UBE4B: variants seen among roughly 807,000 people sequenced by gnomAD.
UBE4B encodes the protein ubiquitin conjugation factor E4 B.
Under a neutral mutation model 148.1 loss-of-function variants are expected in UBE4B, and 27 were observed. The ratio of observed to expected loss-of-function variants is 0.18; its 90% CI spans 0.13 to 0.25. The LOEUF (loss-of-function observed/expected upper bound fraction) is 0.25. UBE4B is among the 10% of genes least tolerant of loss of function. The pLI is 1.00. For synonymous variants in UBE4B, 596 were observed against 619.3 expected, an observed-to-expected ratio of 0.96 and a Z score of 0.56; for missense variants, 1,170 against 1,662.4, an observed-to-expected ratio of 0.70 and a Z score of 5.15.
rs1646280033 is a variant in UBE4B, at chr1:10,168,001, G to A, written c.3199-135G>A. On this transcript the variant is annotated intron_variant, in intron 23 of 27. Transcript: ENST00000343090. The surrounding 1 kb of genome is among the most constrained non-coding windows in gnomAD (Gnocchi z 4.9). ...GAAAGGATGAAACTTCAGTTATCTG[G>A]GACATGTGGCAGGCGGTTCTGTCAT... The A allele has an allele frequency of 9.3e-7, 1 of 1,076,588 alleles. No individual in the cohort carries two copies. Among genetic ancestry groups the A allele is most frequent in the Non-Finnish European group, 1.3e-6 (1 of 794,202 alleles). 66.7% of individuals were successfully genotyped at this position (1,076,588 alleles called of 1,614,324 possible).
At chr1:10,087,813 C>G (rs1027270303) in intron 2 of UBE4B, among the ~76,000 whole-genome samples, 1 of 152,178 alleles carries the variant, frequency 6.6e-6, no homozygotes, top group Admixed American at 6.5e-5. Flanking sequence ...AAGTCCATCC[C>G]ACACTTAAGG....
At chr1:10,079,306 G>C (rs1256584900) in intron 2 of UBE4B, among the ~76,000 whole-genome samples, 1 of 152,058 alleles carries the variant, frequency 6.6e-6, no homozygotes, top group Non-Finnish European at 1.5e-5. Flanking sequence ...TTACAGGCAT[G>C]CGCCACCACG....
At chr1:10,054,723 GC>G (rs780557063) in intron 1 of UBE4B, 6 of 244,868 alleles carry the variant, frequency 2.5e-5, no homozygotes, top group Admixed American at 8.2e-5. Context: ...GGTAACACTT[GC>G]GGGGCATTTT....
intron 2 of UBE4B, among the ~76,000 whole-genome samples, chr1:10,081,260 A>G (rs978703452): frequency 6.8e-6 from 1 of 147,856 alleles, no homozygotes; most frequent in Non-Finnish European, 1.5e-5. Context: ...GGCTTTCTCT[A>G]TGTTGGTCAG....
chr1:10,051,653 AG>A (rs1644047094), intron 1 of UBE4B, among the ~76,000 whole-genome samples: 1 of 152,142 alleles, frequency 6.6e-6, no homozygotes, highest in Non-Finnish European at 1.5e-5. Flanking sequence ...ATGTACTAAG[AG>A]GGTGAAGGTG....
Position 10,168,269 on chromosome 1 carries a change from C to T in UBE4B, c.3332C>T (p.Pro1111Leu), listed in dbSNP as rs973250236. ...CAGGTCCAGAAGCCCTTCCTCAGACCGGTGAGTAGAAACCCGGGGCTCTGT... is the reference window on the plus strand; with the variant it reads ...CAGGTCCAGAAGCCCTTCCTCAGACTGGTGAGTAGAAACCCGGGGCTCTGT... ...TKQVQKPFLR[P>L]ELGPRLAAML... Residue 1111 changes from proline (P) to leucine (L), a missense_variant and splice_region_variant, in exon 24 of 28, where the codon CCG (proline) becomes CTG (leucine). Pro to Leu is a moderately conservative substitution (Grantham distance 98, BLOSUM62 -3). This residue lies in a region of UBE4B where 348 missense variants were observed against 627.2 expected (regional missense o/e 0.55). Coordinates refer to ENST00000343090, the MANE Select transcript of UBE4B (RefSeq NM_001105562.3). The surrounding 1 kb of genome is among the most constrained non-coding windows in gnomAD (Gnocchi z 4.9). 37 of 1,613,880 alleles carry T rather than the reference C, an allele frequency of 2.3e-5. No homozygotes were observed. The highest frequency in any genetic ancestry group is 2.9e-5 in the Non-Finnish European group (34 of 1,179,974).
At chr1:10,039,603 T>C (rs184840810) in intron 1 of UBE4B, among the ~76,000 whole-genome samples, 434 of 151,720 alleles carry the variant, frequency 2.9e-3, no homozygotes, top group Non-Finnish European at 4.9e-3. Flanking sequence ...CTGATTTTTT[T>C]TTTTTTTTGT....
chr1:10,164,894 G>A (rs1372640158), intron 23 of UBE4B, among the ~76,000 whole-genome samples: 2 of 152,140 alleles, frequency 1.3e-5, no homozygotes, highest in Non-Finnish European at 2.9e-5. Context: ...AACTCATGAT[G>A]AGAAACCATC....
rs776571840 is a variant in UBE4B at position 10,179,435 on chromosome 1, C to T, written c.3720C>T (p.Leu1240=). ...CCGCAGACCCTCTGATGGACACCCT[C>T]ATGACAGACCCCGTGCGGCTGCCCT... ...DEFRDPLMDT[L]MTDPVRLPSG... Residue 1240 remains leucine, a synonymous_variant, in exon 27 of 28, where the codon CTC becomes CTT. Transcript: ENST00000343090. 1.2e-6 allele frequency: 2 copies of T among 1,613,916 alleles called. No homozygotes were observed. Among genetic ancestry groups the T allele is most frequent in the Non-Finnish European group, 1.7e-6 (2 of 1,180,048 alleles).
intron 2 of UBE4B, among the ~76,000 whole-genome samples, chr1:10,075,234 A>G (rs190274931): frequency 6.6e-6 from 1 of 152,358 alleles, no homozygotes; most frequent in East Asian, 1.9e-4. Flanking sequence ...CTTCACTTAC[A>G]AAAACAGGCA....
At chr1:10,175,278 A>T (rs1034402572) in intron 25 of UBE4B, among the ~76,000 whole-genome samples, 2 of 152,180 alleles carry the variant, frequency 1.3e-5, no homozygotes, top group Non-Finnish European at 2.9e-5. Flanking sequence ...GACAGACTGC[A>T]TATCTGTCGT....
Position 10,105,496 on chromosome 1 carries a change from T to C in UBE4B, c.581-20T>C. 1 of 1,611,688 alleles carries C rather than the reference T, an allele frequency of 6.2e-7. No individual in the cohort carries two copies. On this transcript the variant is annotated intron_variant, in intron 5 of 27. Coordinates refer to ENST00000343090, the MANE Select transcript of UBE4B (RefSeq NM_001105562.3). ...GTTCGAACTGTGTGTAACCTGTTCTTTGTTCTGCCTTTCCAACAGTATTCT... is the reference window on the plus strand; with the variant it reads ...GTTCGAACTGTGTGTAACCTGTTCTCTGTTCTGCCTTTCCAACAGTATTCT...
intron 2 of UBE4B, among the ~76,000 whole-genome samples, chr1:10,085,869 A>C (rs1398085669): frequency 6.6e-6 from 1 of 152,080 alleles, no homozygotes; most frequent in Admixed American, 6.6e-5. Flanking sequence ...GCCTCACTGC[A>C]ACGTCTGCCT....
rs922590811 is a variant in UBE4B, at chr1:10,181,089, A to G, written c.*1133A>G. Reference sequence around the variant, plus strand: ...ATTTCCTTTGGGGTAAAAAAAAAAAAAGGATTTGAAACCATAAAGTGTTCT... The same window carrying G: ...ATTTCCTTTGGGGTAAAAAAAAAAAGAGGATTTGAAACCATAAAGTGTTCT... On this transcript the variant is annotated 3_prime_UTR_variant, in exon 28 of 28. Transcript: ENST00000343090. 2 of 152,452 alleles carry G rather than the reference A, an allele frequency of 1.3e-5. No homozygotes were observed. Among genetic ancestry groups the G allele is most frequent in the Admixed American group, 1.3e-4 (2 of 15,246 alleles). 9.4% of individuals were successfully genotyped at this position (152,452 alleles called of 1,614,324 possible).
chr1:10,106,645 GTT>G lies in UBE4B; in HGVS notation c.1196+64_1196+65del. On this transcript the variant is annotated intron_variant, in intron 7 of 27. Coordinates refer to ENST00000343090, the MANE Select transcript of UBE4B (RefSeq NM_001105562.3). This position sits in a 1 kb window ranked among gnomAD's most constrained non-coding sequence, Gnocchi z 4.2. Reference sequence around the variant, plus strand: ...GGTGCAGGGAAAGGAGATTAACACGGTTTGGAAGAAGTGCTGTGTGACACTGA... The same window carrying G: ...GGTGCAGGGAAAGGAGATTAACACGGTGGAAGAAGTGCTGTGTGACACTGA... The G allele has an allele frequency of 6.8e-7, 1 of 1,478,684 alleles. No homozygotes were observed. Among genetic ancestry groups the G allele is most frequent in the Non-Finnish European group, 8.9e-7 (1 of 1,122,786 alleles). 91.6% of individuals were successfully genotyped at this position (1,478,684 alleles called of 1,614,324 possible).
chr1:10,174,261 GA>G (rs1371361668), intron 25 of UBE4B, among the ~76,000 whole-genome samples: 3 of 151,988 alleles, frequency 2.0e-5, no homozygotes, highest in African/African-American at 2.4e-5. Flanking sequence ...GGGCACAGTG[GA>G]AGGCGGCTGT....
intron 21 of UBE4B, among the ~76,000 whole-genome samples, chr1:10,155,987 G>C (rs968798224): frequency 4.6e-5 from 7 of 150,564 alleles, no homozygotes; most frequent in Non-Finnish European, 7.4e-5. Context: ...CCAAGATCTT[G>C]CCACTGTACT....
intron 23 of UBE4B, among the ~76,000 whole-genome samples, chr1:10,164,633 A>G (rs1312405257): frequency 6.6e-6 from 1 of 152,212 alleles, no homozygotes; most frequent in East Asian, 1.9e-4. Context: ...TTCCTGTGTT[A>G]ATGGATGAAA....
chr1:10,078,225 T>A (rs1570838817), intron 2 of UBE4B, among the ~76,000 whole-genome samples: 1 of 152,228 alleles, frequency 6.6e-6, no homozygotes, highest in East Asian at 1.9e-4. Flanking sequence ...GCCAGGCTGG[T>A]CTCAAACTCC....
Sources: gnomAD v4.1 joint callset for allele counts (sites outside exome capture counted in the v4.1 genomes callset) on GRCh38, gnomAD v4.1.1 for gene constraint, gnomAD v4.1.1 regional missense constraint, Gnocchi (gnomAD v3.1) non-coding constraint, MANE v1.5 for transcripts, NCBI Gene and HGNC (gene_info 2026-07-23, HGNC 2026-07-21) for gene names.